CNTLN: variants seen among roughly 807,000 people sequenced by gnomAD.
CNTLN encodes centlein, centrosomal protein.
Under a neutral mutation model 180.0 loss-of-function variants are expected in CNTLN, and 212 were observed. That is an observed-to-expected ratio of 1.18 (90% CI 1.05 to 1.32). The LOEUF is 1.32. Among genes scored for constraint, CNTLN ranks in the 40% most tolerant of loss-of-function variants. The probability of loss-of-function intolerance (pLI) is 0.00; values close to 1 mark genes in which losing one functional copy is unlikely to be tolerated. For synonymous variants in CNTLN, 722 were observed against 563.1 expected (o/e 1.28, Z -3.99); for missense variants, 2,095 against 1,610.9 (o/e 1.30, Z -5.14).
chr9:17,278,686 G>C (rs1828471947), intron 6 of CNTLN, among the ~76,000 whole-genome samples: 1 of 152,026 alleles, frequency 6.6e-6, no homozygotes, highest in African/African-American at 2.4e-5. Context: ...CTGTGCTATA[G>C]TTATTTTGGT....
chr9:17,338,294 A>G (rs1005551511), intron 10 of CNTLN, among the ~76,000 whole-genome samples: 9 of 139,756 alleles, frequency 6.4e-5, no homozygotes, highest in Non-Finnish European at 1.1e-4. Context: ...CCTCCTGAGT[A>G]GCTGAGATTA....
chr9:17,329,811 T>C (rs1382795274), intron 8 of CNTLN, among the ~76,000 whole-genome samples: 1 of 151,620 alleles, frequency 6.6e-6, no homozygotes, highest in Non-Finnish European at 1.5e-5. Flanking sequence ...TTTTCAGGGC[T>C]ACTAGATCCT....
At chr9:17,249,345 G>GTTTTTTTTTTTTTTTTTT (rs558059269) in intron 5 of CNTLN, among the ~76,000 whole-genome samples, 1 of 124,914 alleles carries the variant, frequency 8.0e-6, no homozygotes. Context: ...TTCTTTGATT[G>GTTTTTTTTTTTTTTTTTT]TTTTTTTTGT....
chr9:17,474,975 C>A (rs1832252836), intron 23 of CNTLN, among the ~76,000 whole-genome samples: 1 of 152,100 alleles, frequency 6.6e-6, no homozygotes, highest in South Asian at 2.1e-4. Flanking sequence ...ATGAAGGACT[C>A]CATGATTAAT....
At chr9:17,332,914 T>C (rs555089529) in intron 10 of CNTLN, among the ~76,000 whole-genome samples, 184 bp downstream of exon 10, 1 of 152,094 alleles carries the variant, frequency 6.6e-6, no homozygotes, top group Non-Finnish European at 1.5e-5. Context: ...ATATAAAATA[T>C]TTGCTACTTG....
At chr9:17,471,940 A>G (rs1210103966) in intron 23 of CNTLN, among the ~76,000 whole-genome samples, 1 of 152,124 alleles carries the variant, frequency 6.6e-6, no homozygotes, top group African/African-American at 2.4e-5. Flanking sequence ...TATAAAAATG[A>G]AAAGTTAGCT....
intron 6 of CNTLN, among the ~76,000 whole-genome samples, chr9:17,285,018 T>A (rs558758654): frequency 6.6e-6 from 1 of 151,284 alleles, no homozygotes; most frequent in Non-Finnish European, 1.5e-5. Context: ...TTTTTTTTAA[T>A]TATACTTTAA....
intron 12 of CNTLN, among the ~76,000 whole-genome samples, chr9:17,365,776 A>G (rs973279557): frequency 6.6e-6 from 1 of 152,058 alleles, no homozygotes; most frequent in East Asian, 1.9e-4. Flanking sequence ...CAACTTGGTA[A>G]AACCCTGATT....
At chr9:17,499,496 C>G (rs1211268208) in intron 25 of CNTLN, among the ~76,000 whole-genome samples, 1 of 152,040 alleles carries the variant, frequency 6.6e-6, no homozygotes, top group African/African-American at 2.4e-5. Flanking sequence ...ATAGTATAAA[C>G]TTGGTAAGAG....
chr9:17,498,626 C>G (rs546007554), intron 25 of CNTLN, among the ~76,000 whole-genome samples: 2 of 152,292 alleles, frequency 1.3e-5, no homozygotes, highest in South Asian at 4.1e-4. Flanking sequence ...AAATCTTCAC[C>G]TGTCCATTTT....
chr9:17,305,664 C>T (rs1373648817), intron 7 of CNTLN, among the ~76,000 whole-genome samples: 2 of 151,854 alleles, frequency 1.3e-5, no homozygotes, highest in Non-Finnish European at 2.9e-5. Context: ...GGTCTTGTCA[C>T]CAAAAAACAC....
At chr9:17,252,265 G>T (rs1320344968) in intron 5 of CNTLN, among the ~76,000 whole-genome samples, 1 of 151,960 alleles carries the variant, frequency 6.6e-6, no homozygotes, top group Non-Finnish European at 1.5e-5. Context: ...CCAGTAGTGG[G>T]ATTGTGGGAT....
chr9:17,172,939 AC>A (rs1334189869), intron 2 of CNTLN, among the ~76,000 whole-genome samples: 2 of 152,168 alleles, frequency 1.3e-5, no homozygotes, highest in African/African-American at 4.8e-5. Flanking sequence ...ACTCAGGGAA[AC>A]CTGAGGGAAA....
chr9:17,198,249 G>GT (rs1399682451), intron 2 of CNTLN, among the ~76,000 whole-genome samples: 2 of 151,788 alleles, frequency 1.3e-5, no homozygotes, highest in Middle Eastern at 3.4e-3. Context: ...GTTTAGAATT[G>GT]TTTTTTTCTA....
intron 6 of CNTLN, among the ~76,000 whole-genome samples, chr9:17,294,456 T>C (rs1160290452): frequency 6.6e-6 from 1 of 151,764 alleles, no homozygotes; most frequent in Non-Finnish European, 1.5e-5. Flanking sequence ...TACAGAGTGC[T>C]GATTGGTGCA....
chr9:17,246,959 G>C (rs2132242248), intron 5 of CNTLN, among the ~76,000 whole-genome samples: 1 of 152,122 alleles, frequency 6.6e-6, no homozygotes, highest in African/African-American at 2.4e-5. Flanking sequence ...CGTGCCTCAG[G>C]GCACTCCCTG....
In CNTLN at chr9:17,342,440, C is replaced by G. The variant is rs777684979; in HGVS notation, c.1882C>G (p.Gln628Glu). The part of the protein sequence containing the change: ...FKRENQELMI[Q>E]KMNLEEELDE... ...AAGGGAAAACCAGGAGCTAATGATT[C>G]AAAAGTGAGTTTCATTTTTAACAAT... Residue 628 changes from glutamine to glutamate, a missense_variant, in exon 12 of 26, where the codon CAA (glutamine) becomes GAA (glutamate). Gln to Glu is a conservative substitution (Grantham distance 29). Transcript: ENST00000380647. The G allele has an allele frequency of 1.0e-5, 16 of 1,595,648 alleles. No homozygotes were observed. The highest frequency in any genetic ancestry group is 1.4e-5 in the Non-Finnish European group (16 of 1,174,386).
In CNTLN at chr9:17,391,472, A is replaced by T. The variant is rs114654145; in HGVS notation, c.2080-3062A>T. On this transcript the variant is annotated intron_variant, in intron 14 of 25. Transcript: ENST00000380647. ...TCTTGCTTCTGAGGCACTTCCAGTGACCTTCAATTTAAGGTACTTGGCAAG... is the reference window on the plus strand; with the variant it reads ...TCTTGCTTCTGAGGCACTTCCAGTGTCCTTCAATTTAAGGTACTTGGCAAG... Among the ~76,000 whole-genome samples, 1,247 of 152,230 alleles carry T rather than the reference A, an allele frequency of 8.2e-3. 22 individuals carry two copies. The highest frequency in any genetic ancestry group is 0.027 in the African/African-American group (1,124 of 41,516).
At chr9:17,352,959 C>T (rs1822503182) in intron 12 of CNTLN, among the ~76,000 whole-genome samples, 1 of 151,984 alleles carries the variant, frequency 6.6e-6, no homozygotes, top group Admixed American at 6.6e-5. Context: ...TCCATTAATC[C>T]CTTGGTGGAC....
Sources: allele counts gnomAD v4.1 joint callset (sites outside exome capture counted in the v4.1 genomes callset), GRCh38; gene constraint gnomAD v4.1.1; transcripts MANE v1.5; gene names NCBI Gene and HGNC (gene_info 2026-07-23, HGNC 2026-07-21).